Variants in WDR25 observed in about 807,000 individuals in gnomAD.
The protein encoded by WDR25 is WD repeat domain 25, also known as WD repeat-containing protein 25.
WDR25 carries 35 observed loss-of-function variants against 47.7 expected under a neutral mutation model. That is an observed-to-expected ratio of 0.73 (90% confidence interval 0.56 to 0.97). The LOEUF (loss-of-function observed/expected upper bound fraction) is 0.97. WDR25 is among the 50% of genes least tolerant of loss of function. WDR25 has a pLI of 0.00. For missense variants in WDR25, 634 were observed against 704.7 expected (o/e 0.90, Z 1.14); for synonymous variants, 248 against 278.9 (o/e 0.89, Z 1.10).
At chr14:100,501,065 G>A (rs1900905393) in intron 4 of WDR25, among the ~76,000 whole-genome samples, 1 of 152,182 alleles carries the variant, frequency 6.6e-6, no homozygotes, top group African/African-American at 2.4e-5. Context: ...GGGCGACCTG[G>A]TGTAGTGCAT....
intron 2 of WDR25, among the ~76,000 whole-genome samples, chr14:100,387,014 G>A (rs1010410923): frequency 1.3e-5 from 2 of 151,850 alleles, no homozygotes; most frequent in Non-Finnish European, 2.9e-5. Flanking sequence ...TGTACTCCTT[G>A]GCTCCCATGC....
intron 3 of WDR25, among the ~76,000 whole-genome samples, chr14:100,480,202 C>G (rs1236181013): frequency 1.3e-5 from 2 of 152,238 alleles, no homozygotes; most frequent in Non-Finnish European, 2.9e-5. Flanking sequence ...CTACTCCCCT[C>G]AGGCTGGACC....
intron 4 of WDR25, among the ~76,000 whole-genome samples, chr14:100,503,531 A>G (rs1901011643): frequency 6.6e-6 from 1 of 152,168 alleles, no homozygotes; most frequent in Admixed American, 6.5e-5. Flanking sequence ...TCAGCTGCAG[A>G]TGGGCAAGTG....
At chr14:100,442,671 T>A (rs1464333212) in intron 2 of WDR25, among the ~76,000 whole-genome samples, 1 of 152,336 alleles carries the variant, frequency 6.6e-6, no homozygotes, top group South Asian at 2.1e-4. Context: ...AATAAAAGTA[T>A]GCAGTTTGTA....
chr14:100,401,440 T>G (rs1021603912), intron 2 of WDR25, among the ~76,000 whole-genome samples: 2 of 152,172 alleles, frequency 1.3e-5, no homozygotes, highest in African/African-American at 4.8e-5. Context: ...CCCGGTGTCT[T>G]AGACTTCCTT....
intron 2 of WDR25, among the ~76,000 whole-genome samples, chr14:100,442,187 G>A (rs1898690396): frequency 1.3e-5 from 2 of 152,178 alleles, no homozygotes; most frequent in African/African-American, 4.8e-5. Context: ...CACTGCTCCT[G>A]GATGGACTGA....
chr14:100,522,867 G>C (rs2029926625), intron 4 of WDR25, among the ~76,000 whole-genome samples: 1 of 152,176 alleles, frequency 6.6e-6, no homozygotes, highest in African/African-American at 2.4e-5. Flanking sequence ...ACCCACCTCT[G>C]GGCTCTTGTG....
intron 2 of WDR25, among the ~76,000 whole-genome samples, chr14:100,387,601 G>A (rs1897048180): frequency 6.6e-6 from 1 of 152,246 alleles, no homozygotes; most frequent in Non-Finnish European, 1.5e-5. Flanking sequence ...TTACAGGCCT[G>A]AGAGGCCACT....
At chr14:100,469,462 G>A (rs1357000221) in intron 3 of WDR25, among the ~76,000 whole-genome samples, 1 of 152,204 alleles carries the variant, frequency 6.6e-6, no homozygotes, top group Non-Finnish European at 1.5e-5. Flanking sequence ...CTGAGGCTCA[G>A]AGGGGCAAAG....
In WDR25 at chr14:100,392,096, TTGTTAC is replaced by T. The variant is rs1897158857; in HGVS notation, c.822+10358_822+10363del. ...CTATTTCTGTTAACATGTGGGGGGT[TTGTTAC>T]TGTTACTTTTACATAAATTAATAAA... is the stretch of plus-strand genomic sequence containing the variant. On this transcript the variant is annotated intron_variant, in intron 2 of 6. Transcript: ENST00000402312. This position sits in a 1 kb window ranked among gnomAD's most constrained non-coding sequence, Gnocchi z 4.2. Among the ~76,000 whole-genome samples, 1 of 152,234 alleles carries T rather than the reference TTGTTAC, an allele frequency of 6.6e-6. No homozygotes were observed. The highest frequency in any genetic ancestry group is 2.4e-5 in the African/African-American group (1 of 41,462).
At chr14:100,478,134 G>A (rs1375738141) in intron 3 of WDR25, among the ~76,000 whole-genome samples, 1 of 149,566 alleles carries the variant, frequency 6.7e-6, no homozygotes, top group Non-Finnish European at 1.5e-5. Context: ...AAAAAAACCT[G>A]TATCCCTTGG....
intron 4 of WDR25, among the ~76,000 whole-genome samples, chr14:100,505,681 C>T (rs1268876834): frequency 6.6e-6 from 1 of 152,170 alleles, no homozygotes; most frequent in Non-Finnish European, 1.5e-5. Flanking sequence ...AATAATGTTG[C>T]ATCTTCTTAT....
intron 2 of WDR25, among the ~76,000 whole-genome samples, chr14:100,418,620 A>G (rs1897938586): frequency 6.8e-6 from 1 of 147,296 alleles, no homozygotes; most frequent in Non-Finnish European, 1.5e-5. Flanking sequence ...CTGGCGACTG[A>G]GCGAGACTCC....
chr14:100,466,688 C>T (rs1025478644), intron 2 of WDR25, among the ~76,000 whole-genome samples: 3 of 152,348 alleles, frequency 2.0e-5, no homozygotes, highest in South Asian at 2.1e-4. Context: ...TGCCAGCAGC[C>T]GTATCAGGTG....
At chr14:100,412,797 T>A (rs918506047) in intron 2 of WDR25, among the ~76,000 whole-genome samples, 4 of 152,194 alleles carry the variant, frequency 2.6e-5, no homozygotes, top group Admixed American at 1.3e-4. Flanking sequence ...GCCTTAAGGT[T>A]TTATTCAGAA....
chr14:100,434,474 G>C (rs1321873606), intron 2 of WDR25, among the ~76,000 whole-genome samples: 1 of 152,196 alleles, frequency 6.6e-6, no homozygotes, highest in Non-Finnish European at 1.5e-5. Flanking sequence ...AGCTCTTTTC[G>C]ACTTCAGACT....
intron 2 of WDR25, among the ~76,000 whole-genome samples, chr14:100,462,266 G>A (rs565338827): frequency 2.6e-5 from 4 of 151,974 alleles, no homozygotes; most frequent in Non-Finnish European, 5.9e-5. Flanking sequence ...TACTTTTGTC[G>A]GACACAAAGA....
At chr14:100,437,223 T>C (rs542001402) in intron 2 of WDR25, among the ~76,000 whole-genome samples, 1 of 152,280 alleles carries the variant, frequency 6.6e-6, no homozygotes, top group South Asian at 2.1e-4. Flanking sequence ...GTCTTGCTCC[T>C]GGAAGAGCAC....
In WDR25 at chr14:100,529,552, GTGCT is replaced by G; in HGVS notation, c.1414-266_1414-263del. 1.7e-6 allele frequency: 1 copy of G among 593,794 alleles called. No individual in the cohort carries two copies. The highest frequency in any genetic ancestry group is 1.9e-5 in the African/African-American group (1 of 53,790). The allele number at this position is 593,794 out of a possible 1,614,324, so 36.8% of individuals were successfully genotyped here. On this transcript the variant is annotated intron_variant, in intron 6 of 6. Coordinates refer to ENST00000402312, the MANE Select transcript of WDR25 (RefSeq NM_001161476.3). The surrounding 1 kb of genome is among the most constrained non-coding windows in gnomAD (Gnocchi z 5.1). ...GCCTTGCTGGGGTGGAAGGGGCTGG[GTGCT>G]TAGTGACTGTCACTGAGGCCAGACC... is the stretch of plus-strand genomic sequence containing the variant.
Sources: gnomAD v4.1 joint callset for allele counts (sites outside exome capture counted in the v4.1 genomes callset) on GRCh38, gnomAD v4.1.1 for gene constraint, Gnocchi (gnomAD v3.1) non-coding constraint, MANE v1.5 for transcripts, NCBI Gene and HGNC (gene_info 2026-07-23, HGNC 2026-07-21) for gene names.